The following STRN3 variants were observed in gnomAD, a reference collection of about 807,000 sequenced individuals.
STRN3 encodes striatin 3, also known as striatin-3.
In STRN3, 29 loss-of-function variants were observed where a neutral mutation model predicts 95.6. The observed-to-expected ratio is 0.30, with a 90% CI of 0.23 to 0.41. STRN3 has a LOEUF of 0.41. Ranked by LOEUF, STRN3 falls within the 10% of genes least tolerant of loss-of-function variation. The pLI is 1.00. For synonymous variants in STRN3, 331 were observed against 357.6 expected, an observed-to-expected ratio of 0.93 and a Z score of 0.84; for missense variants, 890 against 972.1, an observed-to-expected ratio of 0.92 and a Z score of 1.12.
rs919684309 is a variant in STRN3 at position 30,953,639 on chromosome 14, A to G, written c.460+1981T>C. ...ACTGGATCATAGGGTATGTATATAA[A>G]TATTTTTTGAGACAGGGTCTCACTT... On this transcript the variant is annotated intron_variant, in intron 3 of 17. Coordinates refer to ENST00000357479, the MANE Select transcript of STRN3 (RefSeq NM_001083893.2). Among the ~76,000 whole-genome samples the G allele has an allele frequency of 2.0e-4, 31 of 152,186 alleles. 1 individual carries two copies. Among genetic ancestry groups the G allele is most frequent in the Non-Finnish European group, 4.3e-4 (29 of 68,012 alleles).
rs745865416 is a variant in STRN3, at chr14:30,936,643, G to A, written c.717-19C>T. 2.5e-5 allele frequency: 40 copies of A among 1,593,556 alleles called. No individual in the cohort carries two copies. Among genetic ancestry groups the A allele is most frequent in the East Asian group, 6.7e-5 (3 of 44,662 alleles). On this transcript the variant is annotated intron_variant, in intron 5 of 17. Coordinates refer to ENST00000357479, the MANE Select transcript of STRN3 (RefSeq NM_001083893.2). ...AGAGGACCTGTGCGAAGGAAAAAAA[G>A]ATAAATCCAACTATTCCAATGGTTG...
intron 1 of STRN3, among the ~76,000 whole-genome samples, chr14:31,023,776 A>G (rs1274776586): frequency 6.6e-6 from 1 of 152,024 alleles, no homozygotes; most frequent in African/African-American, 2.4e-5. Context: ...AAGGCACCTA[A>G]AGCAAACTAG....
At chr14:30,955,309 A>G (rs532023072) in intron 3 of STRN3, among the ~76,000 whole-genome samples, 12 of 152,294 alleles carry the variant, frequency 7.9e-5, no homozygotes, top group African/African-American at 2.9e-4. Context: ...TTGAACTCAA[A>G]AACAATTAAC....
intron 8 of STRN3, among the ~76,000 whole-genome samples, chr14:30,924,219 A>AC (rs1896954756): frequency 2.2e-5 from 1 of 45,214 alleles, no homozygotes; most frequent in African/African-American, 8.9e-5. Context: ...ACTCAAAAAA[A>AC]AAAAAACAAA....
intron 1 of STRN3, among the ~76,000 whole-genome samples, chr14:30,969,951 G>A (rs774559552): frequency 7.2e-5 from 11 of 152,008 alleles, no homozygotes; most frequent in Non-Finnish European, 1.2e-4. Context: ...TTCGTACAGC[G>A]AAAAAGGGAT....
At chr14:30,981,374 G>C (rs1395003274) in intron 1 of STRN3, among the ~76,000 whole-genome samples, 1 of 152,050 alleles carries the variant, frequency 6.6e-6, no homozygotes, top group African/African-American at 2.4e-5. Flanking sequence ...CCTGTTAATG[G>C]TCAACTAAAA....
Position 30,935,268 on chromosome 14 carries a change from C to G in STRN3, c.883G>C (p.Asp295His). The change falls in exon 7 of 18, where the codon GAT (aspartate) becomes CAT (histidine). Residue 295 changes from aspartate to histidine, a missense_variant. By Grantham distance (81) the Asp-to-His change is moderately conservative (BLOSUM62 -1). Transcript: ENST00000357479. ...NEGLAADLTD[D>H]PDTEEALKEF... ...TTCAGTGCTTCCTCAGTATCAGGAT[C>G]GTCAGTTAGGTCAGCAGCTAAACCT... is the stretch of plus-strand genomic sequence containing the variant. The G allele has an allele frequency of 6.2e-7, 1 of 1,614,010 alleles. No individual in the cohort carries two copies. The highest frequency in any genetic ancestry group is 8.5e-7 in the Non-Finnish European group (1 of 1,179,954).
intron 1 of STRN3, among the ~76,000 whole-genome samples, chr14:31,000,605 G>A (rs1882400847): frequency 1.3e-5 from 2 of 151,834 alleles, no homozygotes; most frequent in Non-Finnish European, 1.5e-5. Context: ...AAAACAAAAA[G>A]GTATCTGATC....
chr14:30,973,708 T>C (rs1566468102), intron 1 of STRN3, among the ~76,000 whole-genome samples: 1 of 152,192 alleles, frequency 6.6e-6, no homozygotes, highest in African/African-American at 2.4e-5. Flanking sequence ...TGAACACTGA[T>C]ACTAAAATTC....
chr14:30,948,780 G>A (rs1319593339), intron 4 of STRN3, among the ~76,000 whole-genome samples: 1 of 152,204 alleles, frequency 6.6e-6, no homozygotes, highest in East Asian at 1.9e-4. Flanking sequence ...TTGTAAATCA[G>A]GCAATGGGAT....
chr14:30,993,913 T>C (rs1882083187), intron 1 of STRN3, among the ~76,000 whole-genome samples: 1 of 151,650 alleles, frequency 6.6e-6, no homozygotes, highest in Non-Finnish European at 1.5e-5. Context: ...TTCACTCTTG[T>C]TGCCCAGGCT....
chr14:30,931,823 T>TA (rs1878551622), intron 7 of STRN3: 1 of 152,298 alleles, frequency 6.6e-6, no homozygotes, highest in South Asian at 2.1e-4. Context: ...TTTCATAAGA[T>TA]AAAAAAATTT....
intron 12 of STRN3, 133 bp from the exon 13 acceptor site, chr14:30,911,295 C>CT (rs11297035): frequency 0.27 from 120,453 of 445,560 alleles, 12,766 homozygotes; most frequent in African/African-American, 0.44. Flanking sequence ...CTGACTGGTA[C>CT]TTTTTTTTTT....
chr14:30,923,725 T>C (rs1214083607), intron 8 of STRN3, among the ~76,000 whole-genome samples: 2 of 152,146 alleles, frequency 1.3e-5, no homozygotes, highest in African/African-American at 4.8e-5. Context: ...CAACAGGCTA[T>C]AAGAATAACA....
At chr14:30,895,823 C>T (rs183932401) in intron 16 of STRN3, 75 bp from the exon 17 acceptor site, 1 of 1,279,542 alleles carries the variant, frequency 7.8e-7, no homozygotes, top group African/African-American at 1.5e-5. Context: ...TACAATATAG[C>T]ATCAACATAA....
intron 1 of STRN3, among the ~76,000 whole-genome samples, chr14:30,987,367 C>T (rs1316683473): frequency 2.6e-5 from 4 of 151,864 alleles, no homozygotes; most frequent in Non-Finnish European, 5.9e-5. Context: ...ATTAGCTGGG[C>T]GTGGTGGCAG....
intron 1 of STRN3, among the ~76,000 whole-genome samples, chr14:30,986,884 T>C (rs1251807243): frequency 6.6e-6 from 1 of 152,238 alleles, no homozygotes; most frequent in Non-Finnish European, 1.5e-5. Context: ...ACATACTACA[T>C]ATTTAATTTA....
Position 30,976,353 on chromosome 14 carries a change from C to T in STRN3, c.283-20111G>A, listed in dbSNP as rs1045179901. Among the ~76,000 whole-genome samples the T allele has an allele frequency of 2.6e-5, 4 of 152,136 alleles. No homozygotes were observed. The East Asian group carries it at 5.8e-4, about 22-fold the overall frequency. ...TTACATAATGAAAGAGGTCAATTCTCCAAGAACACAACCCTTAGTGTGTCA... is the reference window on the plus strand; with the variant it reads ...TTACATAATGAAAGAGGTCAATTCTTCAAGAACACAACCCTTAGTGTGTCA... On this transcript the variant is annotated intron_variant, in intron 1 of 17. Transcript: ENST00000357479.
At chr14:30,929,056 A>C (rs539105290) in intron 8 of STRN3, 145 bp downstream of exon 8, 2 of 568,858 alleles carry the variant, frequency 3.5e-6, no homozygotes, top group South Asian at 3.1e-5. Context: ...ATACAAACAA[A>C]TTTCAATTAT....
Sources: gnomAD v4.1 joint callset for allele counts (sites outside exome capture counted in the v4.1 genomes callset) on GRCh38, gnomAD v4.1.1 for gene constraint, MANE v1.5 for transcripts, NCBI Gene and HGNC (gene_info 2026-07-23, HGNC 2026-07-21) for gene names.